Variants in KCNH7 observed in about 807,000 individuals in gnomAD.
The protein encoded by KCNH7 is potassium voltage-gated channel subfamily H member 7, also known as voltage-gated inwardly rectifying potassium channel KCNH7.
In KCNH7, 49 loss-of-function variants were observed where a neutral mutation model predicts 120.8. That is an observed-to-expected ratio of 0.41 (90% CI 0.32 to 0.51). The LOEUF is 0.51. KCNH7 is among the 20% of genes least tolerant of loss of function. The pLI is 0.38. For missense variants in KCNH7, 1,097 were observed against 1,446.6 expected (o/e 0.76, Z 3.92); for synonymous variants, 547 against 516.1 (o/e 1.06, Z -0.81).
chr2:162,428,637 A>G (rs2105504212), intron 8 of KCNH7, among the ~76,000 whole-genome samples: 1 of 152,072 alleles, frequency 6.6e-6, no homozygotes, highest in East Asian at 1.9e-4. Flanking sequence ...ATTGCAAACT[A>G]TAATTATGAA....
chr2:162,625,328 A>G (rs983330741), intron 2 of KCNH7, among the ~76,000 whole-genome samples: 2 of 152,192 alleles, frequency 1.3e-5, no homozygotes, highest in African/African-American at 4.8e-5. Flanking sequence ...AGGAAAAGGA[A>G]AGCCCTGGCC....
intron 2 of KCNH7, among the ~76,000 whole-genome samples, chr2:162,734,149 C>G (rs1222182986): frequency 1.3e-5 from 2 of 151,810 alleles, no homozygotes; most frequent in African/African-American, 2.4e-5. Flanking sequence ...TCAAAAAGCT[C>G]TACATAATAA....
At chr2:162,795,207 G>T (rs1362107477) in intron 2 of KCNH7, among the ~76,000 whole-genome samples, 1 of 151,990 alleles carries the variant, frequency 6.6e-6, no homozygotes, top group Non-Finnish European at 1.5e-5. Context: ...ATTAGGCAAT[G>T]CAATTGCTAT....
chr2:162,826,657 T>C (rs940656742), intron 2 of KCNH7, among the ~76,000 whole-genome samples: 5 of 152,124 alleles, frequency 3.3e-5, no homozygotes, highest in Non-Finnish European at 7.4e-5. Flanking sequence ...AATGATATCT[T>C]TCCAGACTCT....
intron 2 of KCNH7, among the ~76,000 whole-genome samples, chr2:162,672,228 G>A (rs10193968): frequency 0.99 from 151,395 of 152,174 alleles, 75,314 homozygotes; most frequent in East Asian, 1. Flanking sequence ...TATCTACATG[G>A]AATATTTACA....
At chr2:162,809,239 TC>T (rs1684648991) in intron 2 of KCNH7, among the ~76,000 whole-genome samples, 1 of 152,188 alleles carries the variant, frequency 6.6e-6, no homozygotes, top group Admixed American at 6.5e-5. Context: ...CCAGCAACTG[TC>T]CCCACACTTT....
intron 2 of KCNH7, among the ~76,000 whole-genome samples, chr2:162,550,240 T>C (rs1462996581): frequency 6.6e-6 from 1 of 152,214 alleles, no homozygotes; most frequent in Non-Finnish European, 1.5e-5. Flanking sequence ...TAGGAAAGAA[T>C]TGAAATGGTG....
intron 2 of KCNH7, among the ~76,000 whole-genome samples, chr2:162,546,920 C>T (rs1261395351): frequency 6.6e-6 from 1 of 151,962 alleles, no homozygotes; most frequent in African/African-American, 2.4e-5. Flanking sequence ...TAATGCCGCT[C>T]AGGCATATAA....
chr2:162,377,065 T>C (rs1686221409), intron 14 of KCNH7, among the ~76,000 whole-genome samples: 1 of 152,164 alleles, frequency 6.6e-6, no homozygotes, highest in Non-Finnish European at 1.5e-5. Context: ...TTTGAACAAA[T>C]GCCGAAGCTA....
chr2:162,659,002 A>C lies in KCNH7; in HGVS notation c.308-121922T>G, dbSNP rs147545980. The stretch of plus-strand genomic sequence containing the variant: ...TGCATTAGTTAGGATTTCCAGTACA[A>C]GCCAAAAAAGAATGACATGAGGAGA... On this transcript the variant is annotated intron_variant, in intron 2 of 15. Transcript: ENST00000332142. Among the ~76,000 whole-genome samples the C allele has an allele frequency of 2.0e-5, 3 of 152,260 alleles. No individual in the cohort carries two copies. In the East Asian group the frequency reaches 5.8e-4, roughly 29 times the overall value.
chr2:162,630,274 G>C (rs1402590326), intron 2 of KCNH7, among the ~76,000 whole-genome samples: 1 of 152,044 alleles, frequency 6.6e-6, no homozygotes, highest in East Asian at 1.9e-4. Flanking sequence ...TGTGGATCTA[G>C]AGCTTAGAGG....
chr2:162,711,172 A>G (rs576383653), intron 2 of KCNH7, among the ~76,000 whole-genome samples: 54 of 152,378 alleles, frequency 3.5e-4, no homozygotes, highest in Non-Finnish European at 6.8e-4. Flanking sequence ...TAGATTACAT[A>G]ATAGTCTTGC....
chr2:162,502,213 T>A (rs1690710050), intron 6 of KCNH7: 1 of 152,088 alleles, frequency 6.6e-6, no homozygotes. Flanking sequence ...ATTTATGCAC[T>A]CATTTATTCA....
At chr2:162,393,996 A>G (rs2105432101) in intron 12 of KCNH7, among the ~76,000 whole-genome samples, 2 of 152,116 alleles carry the variant, frequency 1.3e-5, no homozygotes, top group South Asian at 4.1e-4. Context: ...GAATCTGAGG[A>G]TGAGAAGGAC....
intron 12 of KCNH7, among the ~76,000 whole-genome samples, chr2:162,390,401 A>G (rs1558921616): frequency 6.6e-6 from 1 of 151,860 alleles, no homozygotes; most frequent in Non-Finnish European, 1.5e-5. Context: ...AAATTTTAGA[A>G]GAATTATTAC....
chr2:162,400,447 GA>G lies in KCNH7; in HGVS notation c.2155-7del. On this transcript the variant is annotated splice_region_variant and splice_polypyrimidine_tract_variant and intron_variant, in intron 9 of 15. Coordinates refer to ENST00000332142, the MANE Select transcript of KCNH7 (RefSeq NM_033272.4). ...TCTGGGAAACCCTTTAGGACCTGAG[GA>G]AAAAAAGAAAGAGTTTCATACTACC... 6.2e-7 allele frequency: 1 copy of G among 1,607,202 alleles called. No homozygotes were observed. The highest frequency in any genetic ancestry group is 8.5e-7 in the Non-Finnish European group (1 of 1,177,102).
intron 2 of KCNH7, among the ~76,000 whole-genome samples, chr2:162,707,233 G>C (rs1326424740): frequency 1.3e-5 from 2 of 152,004 alleles, no homozygotes; most frequent in Non-Finnish European, 2.9e-5. Flanking sequence ...AGGAATATCT[G>C]ACACTTCTTT....
chr2:162,446,482 G>T, intron 6 of KCNH7, 39 bp from the exon 7 acceptor site: 3 of 1,459,424 alleles, frequency 2.1e-6, no homozygotes, highest in Non-Finnish European at 2.8e-6. Context: ...ACATAAATAT[G>T]CCATTTTTAA....
chr2:162,721,925 G>A (rs1236836809), intron 2 of KCNH7, among the ~76,000 whole-genome samples: 3 of 152,010 alleles, frequency 2.0e-5, no homozygotes, highest in Non-Finnish European at 2.9e-5. Flanking sequence ...TAAAATAAAA[G>A]AAACAGTAGA....
Sources: allele counts gnomAD v4.1 joint callset (sites outside exome capture counted in the v4.1 genomes callset), GRCh38; gene constraint gnomAD v4.1.1; transcripts MANE v1.5; gene names NCBI Gene and HGNC (gene_info 2026-07-23, HGNC 2026-07-21).